The following SH2B1 variants were observed in gnomAD, a reference collection of about 807,000 sequenced individuals.
SH2B1 encodes the protein SH2B adapter protein 1.
A neutral mutation model predicts 62.6 loss-of-function variants in SH2B1; 15 were observed. The observed-to-expected ratio is 0.24, with a 90% CI of 0.16 to 0.37. The LOEUF is 0.37. Among genes scored for constraint, SH2B1 ranks in the 10% least tolerant of loss-of-function variants. The pLI is 1.00. For missense variants in SH2B1, 925 were observed against 1,015.6 expected, an observed-to-expected ratio of 0.91 and a Z score of 1.21; for synonymous variants, 443 against 438.0, an observed-to-expected ratio of 1.01 and a Z score of -0.14.
intron 1 of SH2B1, among the ~76,000 whole-genome samples, chr16:28,848,823 C>T (rs932945632): frequency 1.3e-5 from 2 of 151,878 alleles, no homozygotes; most frequent in African/African-American, 2.4e-5. Context: ...AGGCGCCTGC[C>T]ACCACGCCCA....
Position 28,855,040 on chromosome 16 carries a change from T to C in SH2B1, c.-300-6578T>C, listed in dbSNP as rs1235910988. Among the ~76,000 whole-genome samples the C allele has an allele frequency of 2.0e-5, 3 of 151,800 alleles. No homozygotes were observed. In the East Asian group the frequency reaches 5.8e-4, roughly 30 times the overall value. Reference sequence around the variant, plus strand: ...ACAGATGACCACTACCACACCCTGCTAATTTTTGTATTTTTAGTAGACAGG... The same window carrying C: ...ACAGATGACCACTACCACACCCTGCCAATTTTTGTATTTTTAGTAGACAGG... On this transcript the variant is annotated intron_variant, in intron 1 of 10. Coordinates refer to the SH2B1 transcript ENST00000322610.
intron 1 of SH2B1, among the ~76,000 whole-genome samples, chr16:28,850,006 G>A (rs865976506): frequency 6.6e-6 from 1 of 152,176 alleles, no homozygotes; most frequent in African/African-American, 2.4e-5. Context: ...TAGAGTTTGA[G>A]AAACACGGTG....
At chr16:28,849,938 A>G (rs1224940841) in intron 1 of SH2B1, among the ~76,000 whole-genome samples, 1 of 152,074 alleles carries the variant, frequency 6.6e-6, no homozygotes, top group African/African-American at 2.4e-5. Flanking sequence ...TAAAATAAAA[A>G]CTATTATGTG....
Position 28,866,642 on chromosome 16 carries a change from G to C in SH2B1, c.548G>C (p.Gly183Ala), listed in dbSNP as rs776131757. 2 of 1,613,234 alleles carry C rather than the reference G, an allele frequency of 1.2e-6. No homozygotes were observed. The highest frequency in any genetic ancestry group is 1.3e-5 in the African/African-American group (1 of 75,012). ...ACCGTTGACCCTCCCTCCTCCGCTGGGCCCCTGGAGACCTCGTCAGGCCCC... is the reference window on the plus strand; with the variant it reads ...ACCGTTGACCCTCCCTCCTCCGCTGCGCCCCTGGAGACCTCGTCAGGCCCC... Reference protein sequence around the residue: ...RGTVDPPSSAGPLETSSGPPV... With the variant: ...RGTVDPPSSAAPLETSSGPPV... The change falls in exon 1 of 8, where the codon GGG becomes GCG. Residue 183 changes from glycine to alanine, a missense_variant. By Grantham distance (60) the Gly-to-Ala change is moderately conservative. Transcript: ENST00000684370. The surrounding 1 kb of genome is among the most constrained non-coding windows in gnomAD (Gnocchi z 6.3).
At chr16:28,863,519 C>T, upstream of SH2B1, 2 of 653,498 alleles carry the variant, frequency 3.1e-6, no homozygotes, top group Non-Finnish European at 5.0e-6. Flanking sequence ...TGCTCGGCGG[C>T]TACTCTAGCC....
At chr16:28,857,795 A>C (rs1372843476) in intron 1 of SH2B1, among the ~76,000 whole-genome samples, 1 of 149,706 alleles carries the variant, frequency 6.7e-6, no homozygotes, top group African/African-American at 2.5e-5. Flanking sequence ...GCTGGAGTGC[A>C]GTGGCGCAAT....
At chr16:28,852,462 A>T (rs1313647086) in intron 1 of SH2B1, among the ~76,000 whole-genome samples, 10 of 82,154 alleles carry the variant, frequency 1.2e-4, no homozygotes, top group Non-Finnish European at 1.5e-4. Context: ...ATATATATTT[A>T]TATATATACA....
upstream of SH2B1, chr16:28,863,760 T>C: frequency 6.5e-7 from 1 of 1,535,566 alleles, no homozygotes; most frequent in Non-Finnish European, 8.7e-7. Flanking sequence ...CGGAAGTAAG[T>C]ATGAAGGTGC....
At chr16:28,853,850 A>T (rs557418173) in intron 1 of SH2B1, among the ~76,000 whole-genome samples, 1 of 151,632 alleles carries the variant, frequency 6.6e-6, no homozygotes, top group East Asian at 2.0e-4. Context: ...TACAAAAAAA[A>T]TTAGCCGGGC....
chr16:28,867,540 T>C, intron 2 of SH2B1, 108 bp downstream of exon 2: 1 of 798,384 alleles, frequency 1.3e-6, no homozygotes, highest in Non-Finnish European at 2.2e-6. Context: ...ATGTGTCCAG[T>C]GCCTTGAGAG....
rs1311054495 is a variant in SH2B1 at position 28,853,075 on chromosome 16, T to C, written c.-301+6248T>C. On this transcript the variant is annotated intron_variant, in intron 1 of 10. Coordinates refer to the SH2B1 transcript ENST00000322610. Reference sequence around the variant, plus strand: ...ATATGTACATATATATGTACATATATATTTATATATATTTATACATATATA... The same window carrying C: ...ATATGTACATATATATGTACATATACATTTATATATATTTATACATATATA... Among the ~76,000 whole-genome samples, 6 of 118,018 alleles carry C rather than the reference T, an allele frequency of 5.1e-5. No individual in the cohort carries two copies. The East Asian group carries it at 7.1e-4, about 14-fold the overall frequency. 77.4% of individuals were successfully genotyped at this position (118,018 alleles called of 152,430 possible). A position where few individuals can be genotyped will look rare whatever the true frequency, so the allele number is the denominator to read the frequency against.
intron 1 of SH2B1, among the ~76,000 whole-genome samples, chr16:28,857,617 G>A (rs1266109210): frequency 1.3e-5 from 2 of 152,118 alleles, no homozygotes; most frequent in African/African-American, 4.8e-5. Flanking sequence ...CACACAGGGA[G>A]AGCTGGGACA....
At chr16:28,867,584 C>T (rs977133974) in intron 2 of SH2B1, 152 bp downstream of exon 2, 17 of 639,220 alleles carry the variant, frequency 2.7e-5, no homozygotes, top group African/African-American at 1.1e-4. Context: ...TCTGGGATAG[C>T]GGAAGACAGG....
chr16:28,860,775 T>C (rs1567462648), upstream of SH2B1, among the ~76,000 whole-genome samples: 1 of 151,726 alleles, frequency 6.6e-6, no homozygotes, highest in Non-Finnish European at 1.5e-5. Flanking sequence ...CCCTGGTCTC[T>C]GGTATGTGAT....
intron 4 of SH2B1, among the ~76,000 whole-genome samples, chr16:28,870,347 T>C (rs1962961219): frequency 6.6e-6 from 1 of 151,840 alleles, no homozygotes; most frequent in Non-Finnish European, 1.5e-5. Flanking sequence ...AGGAATCACG[T>C]TGGGAGCTCA....
chr16:28,855,651 T>TTTATTTATTTATTTATTTA (rs1197951596), intron 1 of SH2B1, among the ~76,000 whole-genome samples: 12 of 107,074 alleles, frequency 1.1e-4, no homozygotes, highest in African/African-American at 3.8e-4. Context: ...TTATTTATTT[T>TTTATTTATTTATTTATTTA]TTTTTTGAGA....
intron 1 of SH2B1, among the ~76,000 whole-genome samples, chr16:28,851,510 A>AG (rs1415948955): frequency 6.8e-6 from 1 of 146,372 alleles, no homozygotes; most frequent in Non-Finnish European, 1.5e-5. Flanking sequence ...CCCAGGCTGG[A>AG]GTGCAATGGC....
At chr16:28,853,659 A>G (rs900250518) in intron 1 of SH2B1, among the ~76,000 whole-genome samples, 4 of 151,316 alleles carry the variant, frequency 2.6e-5, no homozygotes, top group Non-Finnish European at 4.4e-5. Flanking sequence ...CCAGCCCCCA[A>G]TACCTTTCAC....
In SH2B1 at chr16:28,865,695, G is replaced by A. The variant is rs1159484553; in HGVS notation, c.-400G>A. ...TGACATGAATATTGGAGGATCCGATGTAGAGGGGGGGTGATCTGGAAAAGT... is the reference window on the plus strand; with the variant it reads ...TGACATGAATATTGGAGGATCCGATATAGAGGGGGGGTGATCTGGAAAAGT... On this transcript the variant is annotated 5_prime_UTR_variant, in exon 1 of 8. It removes an upstream start codon present in the reference 5' UTR. Transcript: ENST00000684370. 10 of 1,011,364 alleles carry A rather than the reference G, an allele frequency of 9.9e-6. No individual in the cohort carries two copies. The highest frequency in any genetic ancestry group is 1.2e-5 in the Non-Finnish European group (10 of 848,050). The allele number at this position is 1,011,364 out of a possible 1,614,324, so 62.6% of individuals were successfully genotyped here.
Sources: allele counts gnomAD v4.1 joint callset (sites outside exome capture counted in the v4.1 genomes callset), GRCh38; gene constraint gnomAD v4.1.1; non-coding constraint Gnocchi (gnomAD v3.1); transcripts MANE v1.5; gene names NCBI Gene and HGNC (gene_info 2026-07-23, HGNC 2026-07-21).